The following ZNF595 variants were observed in gnomAD, a reference collection of about 807,000 sequenced individuals.
The protein encoded by ZNF595 is zinc finger protein 595.
In ZNF595, 9 loss-of-function variants were observed where a neutral mutation model predicts 19.4. The observed-to-expected ratio is 0.46, with a 90% CI of 0.28 to 0.81. The LOEUF (loss-of-function observed/expected upper bound fraction) is 0.81. Ranked by LOEUF, ZNF595 falls within the 30% of genes least tolerant of loss-of-function variation. The pLI, the probability that ZNF595 is intolerant of heterozygous loss-of-function variation, is 0.11. For synonymous variants in ZNF595, 255 were observed against 255.9 expected, an observed-to-expected ratio of 1.00 and a Z score of 0.03; for missense variants, 729 against 736.0, an observed-to-expected ratio of 0.99 and a Z score of 0.11.
intron 3 of ZNF595, among the ~76,000 whole-genome samples, chr4:70,063 C>T (rs139830131): frequency 2.1e-3 from 323 of 152,242 alleles, no homozygotes; most frequent in Admixed American, 4.1e-3. Flanking sequence ...TAGTGAGACT[C>T]GCATTTATTT....
At position 87,201 on chromosome 4, in the gene ZNF595, G is replaced by T; in HGVS notation, c.1697G>T (p.Cys566Phe). 6.3e-7 allele frequency: 1 copy of T among 1,596,600 alleles called. No homozygotes were observed. The highest frequency in any genetic ancestry group is 8.6e-7 in the Non-Finnish European group (1 of 1,168,150). The part of the protein sequence containing the change: ...KIHSGEKPYK[C>F]KECGKAYNLS... Reference sequence around the variant, plus strand: ...CATTCTGGAGAGAAACCCTACAAATGCAAAGAATGTGGCAAAGCCTATAAC... The same window carrying T: ...CATTCTGGAGAGAAACCCTACAAATTCAAAGAATGTGGCAAAGCCTATAAC... The change falls in exon 4 of 4, where the codon TGC (cysteine) becomes TTC (phenylalanine). Residue 566 changes from cysteine to phenylalanine, a missense_variant. Physicochemically the swap from Cys to Phe is radical, Grantham distance 205. This residue lies in a region of ZNF595 where 729 missense variants were observed against 675.3 expected (regional missense o/e 1.08). Coordinates refer to ENST00000610261, the MANE Select transcript of ZNF595 (RefSeq NM_182524.4).
chr4:70,653 A>T (rs369520433), intron 3 of ZNF595, among the ~76,000 whole-genome samples: 27 of 152,244 alleles, frequency 1.8e-4, no homozygotes, highest in African/African-American at 6.0e-4. Context: ...AATATTCTTG[A>T]CACCTTTGTC....
At chr4:77,386 T>C (rs1199153845) in intron 3 of ZNF595, among the ~76,000 whole-genome samples, 1 of 152,234 alleles carries the variant, frequency 6.6e-6, no homozygotes, top group Non-Finnish European at 1.5e-5. Flanking sequence ...TTTTGACTTC[T>C]TAGCCATTTT....
At chr4:71,735 C>T (rs1713440607) in intron 3 of ZNF595, among the ~76,000 whole-genome samples, 1 of 152,128 alleles carries the variant, frequency 6.6e-6, no homozygotes, top group African/African-American at 2.4e-5. Context: ...TTTCTTTCTC[C>T]AAATCCAGTT....
At chr4:66,816 C>T (rs1475424385) in intron 3 of ZNF595, among the ~76,000 whole-genome samples, 1 of 152,154 alleles carries the variant, frequency 6.6e-6, no homozygotes, top group Non-Finnish European at 1.5e-5. Context: ...CTTGCAAGTA[C>T]CACACTGTTT....
intron 3 of ZNF595, among the ~76,000 whole-genome samples, chr4:77,048 C>G (rs1490759201): frequency 5.9e-5 from 9 of 151,970 alleles, no homozygotes; most frequent in Non-Finnish European, 1.3e-4. Context: ...AGATTTTTCT[C>G]TCTCTACCCT....
intron 3 of ZNF595, among the ~76,000 whole-genome samples, chr4:64,812 A>G (rs1385547585): frequency 5.3e-5 from 8 of 152,040 alleles, no homozygotes; most frequent in African/African-American, 1.9e-4. Context: ...TATGGCAGGC[A>G]GTAGGGTAGG....
intron 3 of ZNF595, among the ~76,000 whole-genome samples, chr4:72,826 C>G (rs2108755598): frequency 6.6e-6 from 1 of 152,288 alleles, no homozygotes; most frequent in East Asian, 1.9e-4. Context: ...GACTGGGAAT[C>G]AGACCTAAGC....
intron 3 of ZNF595, among the ~76,000 whole-genome samples, chr4:78,024 T>G (rs1713744764): frequency 1.3e-5 from 2 of 151,974 alleles, no homozygotes; most frequent in Non-Finnish European, 2.9e-5. Flanking sequence ...TTGTTTGTTT[T>G]TTGAGACGGA....
intron 3 of ZNF595, among the ~76,000 whole-genome samples, chr4:80,778 G>A (rs1234223395): frequency 6.6e-6 from 1 of 152,212 alleles, no homozygotes; most frequent in African/African-American, 2.4e-5. Flanking sequence ...TGGTTCTTCA[G>A]TTGCCTCAGG....
rs370739143 is a variant in ZNF595, at chr4:85,753, A to C, written c.249A>C (p.Gln83His). Reference sequence around the variant, plus strand: ...CAGCTATATGTTCTCCTTTCAGCCAAGACCTTTCACCAGTGCAGGGGATAG... The same window carrying C: ...CAGCTATATGTTCTCCTTTCAGCCACGACCTTTCACCAGTGCAGGGGATAG... ...KPPAICSPFS[Q>H]DLSPVQGIED... The change falls in exon 4 of 4, where the codon CAA becomes CAC. Residue 83 changes from glutamine (Q) to histidine (H), a missense_variant. Physicochemically the swap from Gln to His is conservative, Grantham distance 24. Around this residue, in one of 2 missense-constraint regions of ZNF595, gnomAD observed 729 missense variants for 675.3 expected, o/e 1.08. Coordinates refer to ENST00000610261, the MANE Select transcript of ZNF595 (RefSeq NM_182524.4). 6 of 1,586,046 alleles carry C rather than the reference A, an allele frequency of 3.8e-6. No individual in the cohort carries two copies. In the African/African-American group the frequency reaches 8.2e-5, roughly 22 times the overall value.
chr4:54,702 C>T (rs1296290702), intron 1 of ZNF595, among the ~76,000 whole-genome samples: 2 of 152,226 alleles, frequency 1.3e-5, no homozygotes, highest in Non-Finnish European at 2.9e-5. Context: ...AGTCTCCTGG[C>T]TCATCTCAAC....
chr4:79,445 G>A (rs1348103511), intron 3 of ZNF595, among the ~76,000 whole-genome samples: 1 of 152,114 alleles, frequency 6.6e-6, no homozygotes, highest in African/African-American at 2.4e-5. Context: ...TTTATCATGT[G>A]GGTAATTAAT....
rs375429527 is a variant in ZNF595, at chr4:86,710, C to T, written c.1206C>T (p.Gly402=). The part of the protein sequence containing the change: ...GEKPYTCEEC[G]KAFYRSSHLA... ...AACCCTACACATGTGAAGAATGTGG[C>T]AAAGCTTTTTATAGGTCCTCACACC... The change falls in exon 4 of 4, where the codon GGC becomes GGT. Residue 402 remains glycine, a synonymous_variant. Coordinates refer to ENST00000610261, the MANE Select transcript of ZNF595 (RefSeq NM_182524.4). 15 of 1,613,656 alleles carry T rather than the reference C, an allele frequency of 9.3e-6. 1 individual carries two copies. In the African/African-American group the frequency reaches 1.9e-4, roughly 20 times the overall value.
At chr4:76,963 C>CT (rs1713691179) in intron 3 of ZNF595, among the ~76,000 whole-genome samples, 1 of 152,060 alleles carries the variant, frequency 6.6e-6, no homozygotes, top group South Asian at 2.1e-4. Context: ...ACATTTTAAG[C>CT]TTCATAAAAC....
rs1553801864 is a variant in ZNF595 at position 86,921 on chromosome 4, A to T, written c.1417A>T (p.Ile473Phe). ...RSTTLNEHKK[I>F]HTGEKPYKCE... ...CACAACACTGAACGAACATAAGAAA[A>T]TTCATACTGGCGAGAAACCCTACAA... The change falls in exon 4 of 4, where the codon ATT becomes TTT. Residue 473 changes from isoleucine to phenylalanine, a missense_variant. Physicochemically the swap from Ile to Phe is conservative, Grantham distance 21 (BLOSUM62 0). Around this residue, in one of 2 missense-constraint regions of ZNF595, gnomAD observed 729 missense variants for 675.3 expected, o/e 1.08. Transcript: ENST00000610261. 6.2e-7 allele frequency: 1 copy of T among 1,611,056 alleles called. No homozygotes were observed. Among genetic ancestry groups the T allele is most frequent in the South Asian group, 1.1e-5 (1 of 90,604 alleles).
intron 3 of ZNF595, chr4:67,904 TGAG>T: frequency 1.9e-6 from 1 of 533,034 alleles, no homozygotes; most frequent in African/African-American, 1.9e-5. Context: ...TTTTTTTTTT[TGAG>T]GCGGAGTGGA....
At chr4:64,105 A>G (rs1712976970) in intron 3 of ZNF595, among the ~76,000 whole-genome samples, 2 of 123,848 alleles carry the variant, frequency 1.6e-5, no homozygotes, top group Admixed American at 1.0e-4. Context: ...TGTAGATAAT[A>G]TAATTATGCG....
intron 3 of ZNF595, among the ~76,000 whole-genome samples, chr4:77,926 A>G (rs1264170592): frequency 2.0e-5 from 3 of 152,248 alleles, no homozygotes; most frequent in East Asian, 1.9e-4. Context: ...ACCCTTGAAC[A>G]CAGCTGTGAG....
Sources: allele counts gnomAD v4.1 joint callset (sites outside exome capture counted in the v4.1 genomes callset), GRCh38; gene constraint gnomAD v4.1.1; regional missense constraint gnomAD v4.1.1; transcripts MANE v1.5; gene names NCBI Gene and HGNC (gene_info 2026-07-23, HGNC 2026-07-21).